FBN2: variants seen among roughly 807,000 people sequenced by gnomAD.
FBN2 encodes fibrillin-2.
Under a neutral mutation model 355.6 loss-of-function variants are expected in FBN2, and 105 were observed. The observed-to-expected ratio is 0.30, with a 90% CI of 0.25 to 0.35. FBN2 has a LOEUF of 0.35. Among genes scored for constraint, FBN2 ranks in the 10% least tolerant of loss-of-function variants. The pLI is 1.00. For synonymous variants in FBN2, 1,350 were observed against 1,301.2 expected (o/e 1.04, Z -0.81); for missense variants, 3,280 against 3,758.7 (o/e 0.87, Z 3.33).
At chr5:128,461,788 G>C (rs1278026458) in intron 6 of FBN2, among the ~76,000 whole-genome samples, 3 of 149,776 alleles carry the variant, frequency 2.0e-5, no homozygotes, top group Admixed American at 6.7e-5. Context: ...ACTCATAAGT[G>C]AGAGTTGAAC....
intron 55 of FBN2, among the ~76,000 whole-genome samples, chr5:128,282,258 T>G (rs1765567780): frequency 6.6e-6 from 1 of 152,258 alleles, no homozygotes; most frequent in South Asian, 2.1e-4. Flanking sequence ...TGTGATTATT[T>G]TTTTCCTTTT....
At chr5:128,462,781 T>C (rs1048918906) in intron 6 of FBN2, among the ~76,000 whole-genome samples, 5 of 152,192 alleles carry the variant, frequency 3.3e-5, no homozygotes, top group African/African-American at 7.2e-5. Flanking sequence ...TAATTTGGAA[T>C]GTTTTGGTTG....
At chr5:128,492,253 C>A (rs1755526825) in intron 5 of FBN2, among the ~76,000 whole-genome samples, 2 of 152,058 alleles carry the variant, frequency 1.3e-5, no homozygotes, top group Admixed American at 6.5e-5. Context: ...CACTATAACC[C>A]AAGATAATCC....
intron 5 of FBN2, among the ~76,000 whole-genome samples, chr5:128,472,178 C>T (rs903144332): frequency 2.0e-5 from 3 of 151,972 alleles, no homozygotes; most frequent in Non-Finnish European, 2.9e-5. Flanking sequence ...ATTATTCAGC[C>T]TTAGAAAGGA....
At chr5:128,427,457 A>G (rs768718646) in intron 7 of FBN2, among the ~76,000 whole-genome samples, 2 of 152,146 alleles carry the variant, frequency 1.3e-5, no homozygotes, top group Non-Finnish European at 2.9e-5. Flanking sequence ...TAGACCTCAG[A>G]CCAAGGGGAA....
intron 5 of FBN2, among the ~76,000 whole-genome samples, chr5:128,494,215 C>T (rs1256619176): frequency 1.3e-5 from 2 of 152,074 alleles, no homozygotes; most frequent in African/African-American, 4.8e-5. Context: ...AGAGATTTTA[C>T]CCAAAGAGAA....
At chr5:128,472,420 A>G (rs1754886132) in intron 5 of FBN2, among the ~76,000 whole-genome samples, 1 of 152,174 alleles carries the variant, frequency 6.6e-6, no homozygotes, top group Non-Finnish European at 1.5e-5. Context: ...GTTTTACAAG[A>G]TAAAAAGACT....
intron 60 of FBN2, 84 bp from the exon 61 acceptor site, chr5:128,274,052 G>C: frequency 6.7e-7 from 1 of 1,503,758 alleles, no homozygotes; most frequent in Admixed American, 1.7e-5. Context: ...AGCAATGTAT[G>C]AAAACCTAAG....
At chr5:128,446,672 C>A in intron 6 of FBN2, 66 bp from the exon 7 acceptor site, 1 of 1,540,640 alleles carries the variant, frequency 6.5e-7, no homozygotes, top group Admixed American at 1.7e-5. Flanking sequence ...CTTTTTTTTA[C>A]TATAAAAACT....
At chr5:128,401,724 T>A (rs1752802822) in intron 8 of FBN2, among the ~76,000 whole-genome samples, 1 of 152,146 alleles carries the variant, frequency 6.6e-6, no homozygotes, top group Non-Finnish European at 1.5e-5. Context: ...GAGCTTGCAG[T>A]GAGCCGATAT....
At chr5:128,528,959 T>C (rs959257727) in intron 3 of FBN2, among the ~76,000 whole-genome samples, 1 of 152,224 alleles carries the variant, frequency 6.6e-6, no homozygotes, top group African/African-American at 2.4e-5. Flanking sequence ...CAGGACTTGT[T>C]TAAAGAGCCG....
chr5:128,422,850 AC>A (rs1375990488), intron 7 of FBN2, among the ~76,000 whole-genome samples: 2 of 152,196 alleles, frequency 1.3e-5, no homozygotes, highest in African/African-American at 4.8e-5. Flanking sequence ...AAGCTTTGGT[AC>A]TATCCTTTTT....
At chr5:128,286,641 A>G in intron 55 of FBN2, 77 bp downstream of exon 55, 1 of 1,544,892 alleles carries the variant, frequency 6.5e-7, no homozygotes, top group Non-Finnish European at 8.9e-7. Flanking sequence ...TGCAGTTAAG[A>G]TGATGTGGGA....
intron 7 of FBN2, among the ~76,000 whole-genome samples, chr5:128,412,193 T>C (rs533468446): frequency 6.6e-6 from 1 of 152,348 alleles, no homozygotes; most frequent in South Asian, 2.1e-4. Flanking sequence ...ATAGCTGTCA[T>C]ATCTGAAGTC....
Position 128,345,530 on chromosome 5 carries a change from G to A in FBN2, c.3044C>T (p.Pro1015Leu), listed in dbSNP as rs2126914142. The change falls in exon 24 of 65, where the codon CCC becomes CTC. Residue 1015 changes from proline (P) to leucine (L), a missense_variant. Transcript: ENST00000262464. ...ATCCATGCGGAACTTTCCAGGAACG[G>A]GGTGGATGCATTCATCTTCATCCCA... Reference protein sequence around the residue: ...LKWDEDECIHPVPGKFRMDAC... With the variant: ...LKWDEDECIHLVPGKFRMDAC... The A allele has an allele frequency of 6.2e-7, 1 of 1,614,120 alleles. No individual in the cohort carries two copies. Among genetic ancestry groups the A allele is most frequent in the Non-Finnish European group, 8.5e-7 (1 of 1,180,042 alleles).
intron 48 of FBN2, among the ~76,000 whole-genome samples, chr5:128,293,178 G>A (rs1175367396): frequency 6.6e-6 from 1 of 152,156 alleles, no homozygotes; most frequent in Non-Finnish European, 1.5e-5. Flanking sequence ...GGAAAAGTTG[G>A]TAGAAAAGAT....
At chr5:128,289,346 G>T in intron 51 of FBN2, 94 bp from the exon 52 acceptor site, 1 of 1,311,206 alleles carries the variant, frequency 7.6e-7, no homozygotes, top group East Asian at 2.3e-5. Context: ...CACTTTGGGA[G>T]GCCGAGGTGG....
intron 35 of FBN2, 34 bp downstream of exon 35, chr5:128,318,845 A>G (rs759426432): frequency 6.2e-6 from 10 of 1,604,862 alleles, no homozygotes; most frequent in African/African-American, 2.7e-5. Flanking sequence ...ATTTCAATGA[A>G]TCAGAACACA....
At chr5:128,384,642 C>T (rs974746219) in intron 11 of FBN2, among the ~76,000 whole-genome samples, 2 of 152,048 alleles carry the variant, frequency 1.3e-5, no homozygotes, top group African/African-American at 4.8e-5. Context: ...TCATTTTCCT[C>T]CTTGTCTTTT....
Sources: allele counts gnomAD v4.1 joint callset (sites outside exome capture counted in the v4.1 genomes callset), GRCh38; gene constraint gnomAD v4.1.1; transcripts MANE v1.5; gene names NCBI Gene and HGNC (gene_info 2026-07-23, HGNC 2026-07-21).